The following SH3BP1 variants were observed in gnomAD, a reference collection of about 807,000 sequenced individuals.
SH3BP1 encodes the protein SH3 domain binding protein 1, also known as SH3 domain-binding protein 1.
A neutral mutation model predicts 69.8 loss-of-function variants in SH3BP1; 46 were observed. The observed-to-expected ratio is 0.66, with a 90% CI of 0.52 to 0.84. The LOEUF (loss-of-function observed/expected upper bound fraction) is 0.84. SH3BP1 is among the 40% of genes least tolerant of loss of function. The probability of loss-of-function intolerance (pLI) is 0.00; values close to 1 mark genes in which losing one functional copy is unlikely to be tolerated. For missense variants in SH3BP1, 868 were observed against 930.9 expected (o/e 0.93, Z 0.88); for synonymous variants, 403 against 378.0 (o/e 1.07, Z -0.77).
intron 16 of SH3BP1, among the ~76,000 whole-genome samples, chr22:37,652,825 C>CA (rs34342757): frequency 2.3e-3 from 226 of 97,764 alleles, no homozygotes; most frequent in Non-Finnish European, 3.1e-3. Context: ...AACTCCATCT[C>CA]AAAAAAAAAA....
At position 37,642,614 on chromosome 22, in the gene SH3BP1, G is replaced by A; in HGVS notation, c.283G>A (p.Gly95Arg). The A allele has an allele frequency of 6.2e-7, 1 of 1,613,352 alleles. No individual in the cohort carries two copies. Among genetic ancestry groups the A allele is most frequent in the Non-Finnish European group, 8.5e-7 (1 of 1,180,004 alleles). The part of the protein sequence containing the change: ...FKELDPDSSM[G>R]KALEMSCAIQ... Reference sequence around the variant, plus strand: ...GGAGCTGGACCCTGATTCCAGCATGGGGTGAGCACAGACGGGGCCCAGCCC... The same window carrying A: ...GGAGCTGGACCCTGATTCCAGCATGAGGTGAGCACAGACGGGGCCCAGCCC... Residue 95 changes from glycine to arginine, a missense_variant and splice_region_variant, in exon 4 of 18, where the codon GGG becomes AGG. By Grantham distance (125) the Gly-to-Arg change is moderately radical. Coordinates refer to ENST00000649765, the MANE Select transcript of SH3BP1 (RefSeq NM_018957.6).
At chr22:37,642,282 A>C in intron 3 of SH3BP1, 1 of 502,802 alleles carries the variant, frequency 2.0e-6, no homozygotes. Context: ...CCCAGTCTGC[A>C]GTAGGACTTG....
rs1445473463 is a variant in SH3BP1 at position 37,650,233 on chromosome 22, C to T, written c.1398C>T (p.Asp466=). Residue 466 remains aspartate (D), a synonymous_variant, in exon 15 of 18, where the codon GAC becomes GAT. Coordinates refer to ENST00000649765, the MANE Select transcript of SH3BP1 (RefSeq NM_018957.6). The part of the protein sequence containing the change: ...GVVEALIQSA[D]TLFPGDINFN... ...TCGAGGCGCTGATCCAGAGCGCAGA[C>T]ACCCTCTTCCCTGGAGGTGAAGCTC... 2 of 1,610,628 alleles carry T rather than the reference C, an allele frequency of 1.2e-6. No individual in the cohort carries two copies. Among genetic ancestry groups the T allele is most frequent in the East Asian group, 2.2e-5 (1 of 44,760 alleles).
chr22:37,650,464 A>G, intron 15 of SH3BP1, 78 bp from the exon 16 acceptor site: 1 of 1,537,548 alleles, frequency 6.5e-7, no homozygotes, highest in Non-Finnish European at 8.8e-7. Context: ...GTTCAGGGGA[A>G]GGGGAAACGG....
At chr22:37,645,612 C>T (rs1477041477) in intron 10 of SH3BP1, 102 bp downstream of exon 10, 25 of 1,339,354 alleles carry the variant, frequency 1.9e-5, no homozygotes, top group Non-Finnish European at 2.3e-5. Flanking sequence ...TTCCCTCATT[C>T]GAGCCCAGCT....
At position 37,649,522 on chromosome 22, in the gene SH3BP1, A is replaced by G. The variant is rs551455457; in HGVS notation, c.1317-630A>G. On this transcript the variant is annotated intron_variant, in intron 14 of 17. Coordinates refer to ENST00000649765, the MANE Select transcript of SH3BP1 (RefSeq NM_018957.6). Reference sequence around the variant, plus strand: ...AAATAGGCCGGGGGCAGCGGCTCACAGCTGTAATCCCAGCACTTTGGGAGG... The same window carrying G: ...AAATAGGCCGGGGGCAGCGGCTCACGGCTGTAATCCCAGCACTTTGGGAGG... 2.0e-5 allele frequency among the ~76,000 whole-genome samples: 3 copies of G among 149,642 alleles called. No homozygotes were observed. The East Asian group carries it at 6.0e-4, about 30-fold the overall frequency.
At position 37,655,557 on chromosome 22, in the gene SH3BP1, C is replaced by T. The variant is rs772745111; in HGVS notation, c.1979C>T (p.Pro660Leu). Reference protein sequence around the residue: ...ASPSPVSLSNPAQVDLGAATA... With the variant: ...ASPSPVSLSNLAQVDLGAATA... ...CCCAGCCCAGTCTCTTTGAGTAACCCTGCACAGGTGGACCTGGGGGCTGCC... is the reference window on the plus strand; with the variant it reads ...CCCAGCCCAGTCTCTTTGAGTAACCTTGCACAGGTGGACCTGGGGGCTGCC... The change falls in exon 18 of 18, where the codon CCT becomes CTT. Residue 660 changes from proline (P) to leucine (L), a missense_variant. Physicochemically the swap from Pro to Leu is moderately conservative, Grantham distance 98. Transcript: ENST00000649765. The T allele has an allele frequency of 3.0e-5, 48 of 1,593,978 alleles. No homozygotes were observed. Among genetic ancestry groups the T allele is most frequent in the Non-Finnish European group, 4.1e-5 (48 of 1,171,254 alleles).
chr22:37,642,190 C>T (rs1932621129), intron 3 of SH3BP1: 3 of 323,008 alleles, frequency 9.3e-6, no homozygotes, highest in South Asian at 3.5e-5. Flanking sequence ...TACCCTGGGA[C>T]AGGGGAAAGA....
intron 17 of SH3BP1, 83 bp downstream of exon 17, chr22:37,653,956 T>C: frequency 9.6e-7 from 1 of 1,042,506 alleles, no homozygotes; most frequent in East Asian, 2.5e-5. Flanking sequence ...CCTATCTTTT[T>C]AGGCAGCCAG....
intron 13 of SH3BP1, 94 bp downstream of exon 13, chr22:37,647,615 A>T (rs1209419851): frequency 1.2e-6 from 1 of 855,366 alleles, no homozygotes; most frequent in African/African-American, 1.7e-5. Flanking sequence ...TGGCCTTGCC[A>T]CTGTATCCTA....
intron 17 of SH3BP1, among the ~76,000 whole-genome samples, chr22:37,654,571 CAAAAAAAAA>C (rs532974366): frequency 8.2e-6 from 1 of 122,584 alleles, no homozygotes; most frequent in African/African-American, 3.0e-5. Context: ...GACTCTGTCT[CAAAAAAAAA>C]AAAAGAAAAA....
intron 3 of SH3BP1, 92 bp from the exon 4 acceptor site, chr22:37,642,447 T>TC (rs1400027512): frequency 6.9e-6 from 9 of 1,307,618 alleles, no homozygotes; most frequent in Non-Finnish European, 9.8e-6. Context: ...CCTCCTGGGT[T>TC]CCCTCCTCCC....
chr22:37,639,901 G>A, intron 1 of SH3BP1, 55 bp downstream of exon 1: 5 of 811,398 alleles, frequency 6.2e-6, no homozygotes, highest in East Asian at 4.0e-5. Flanking sequence ...TTGAGGGGTC[G>A]TAAAAGGGTC....
At position 37,644,967 on chromosome 22, in the gene SH3BP1, A is replaced by G; in HGVS notation, c.778+7A>G. The G allele has an allele frequency of 6.2e-7, 1 of 1,613,122 alleles. No homozygotes were observed. Among genetic ancestry groups the G allele is most frequent in the Non-Finnish European group, 8.5e-7 (1 of 1,179,564 alleles). ...GAGAACCACGGCCAAGCAGGTGGGG[A>G]CATAGGCCCGGCGATACCACACCCC... On this transcript the variant is annotated splice_region_variant and intron_variant, in intron 9 of 17. Transcript: ENST00000649765.
chr22:37,640,179 C>G (rs1385430700), intron 1 of SH3BP1, among the ~76,000 whole-genome samples: 1 of 152,136 alleles, frequency 6.6e-6, no homozygotes. Context: ...CCTCACTTGT[C>G]CCCTCTGGAC....
At chr22:37,639,932 A>AGCGGGGGGGGGGGGT in intron 1 of SH3BP1, 86 bp downstream of exon 1, 2 of 600,132 alleles carry the variant, frequency 3.3e-6, no homozygotes, top group African/African-American at 2.0e-5. Flanking sequence ...GGGGTGGGGG[A>AGCGGGGGGGGGGGGT]GGCTGGGGAC....
intron 3 of SH3BP1, 181 bp from the exon 4 acceptor site, chr22:37,642,358 G>A (rs1932627619): frequency 1.7e-6 from 1 of 605,870 alleles, no homozygotes; most frequent in South Asian, 1.9e-5. Context: ...ATGGAGAGGG[G>A]CTCCATCCAT....
rs371506819 is a variant in SH3BP1 at position 37,641,365 on chromosome 22, C to G, written c.103-9C>G. ...CTCTTGATCCTTAACCTCCATACCT[C>G]CTTCCCAGGTAGAACAGCGGCTGGA... is the stretch of plus-strand genomic sequence containing the variant. On this transcript the variant is annotated splice_polypyrimidine_tract_variant and intron_variant, in intron 2 of 17. Transcript: ENST00000649765. The G allele has an allele frequency of 6.4e-7, 1 of 1,551,126 alleles. No individual in the cohort carries two copies. The highest frequency in any genetic ancestry group is 1.4e-5 in the African/African-American group (1 of 73,172).
Position 37,655,928 on chromosome 22 carries a change from CCTAGGGGAGCCACCGGAAGGAA to C in SH3BP1, c.*245_*266del, listed in dbSNP as rs1405549254. Reference sequence around the variant, plus strand: ...CCGGACTCTCCACTCTCCGGCAGGTCCTAGGGGAGCCACCGGAAGGAAGGAGAGGTTTGCCTGCTCCTACGGG... The same window carrying C: ...CCGGACTCTCCACTCTCCGGCAGGTCGGAGAGGTTTGCCTGCTCCTACGGG... On this transcript the variant is annotated 3_prime_UTR_variant, in exon 18 of 18. Coordinates refer to ENST00000649765, the MANE Select transcript of SH3BP1 (RefSeq NM_018957.6). The C allele has an allele frequency of 2.5e-6, 4 of 1,568,964 alleles. No individual in the cohort carries two copies. In the Admixed American group the frequency reaches 6.9e-5, roughly 27 times the overall value.
Sources: allele counts gnomAD v4.1 joint callset (sites outside exome capture counted in the v4.1 genomes callset), GRCh38; gene constraint gnomAD v4.1.1; transcripts MANE v1.5; gene names NCBI Gene and HGNC (gene_info 2026-07-23, HGNC 2026-07-21).